The following ZNF215 variants were observed in gnomAD, a reference collection of about 807,000 sequenced individuals.
The protein encoded by ZNF215 is BWSCR2-associated zinc finger protein 2.
ZNF215 carries 24 observed loss-of-function variants against 27.2 expected under a neutral mutation model. That is an observed-to-expected ratio of 0.88 (90% CI 0.64 to 1.24). The LOEUF (loss-of-function observed/expected upper bound fraction) is 1.24, where lower values mean the gene tolerates loss of function less well. Ranked by LOEUF, ZNF215 falls within the 50% of genes most tolerant of loss-of-function variation. ZNF215 has a pLI of 0.00. For missense variants in ZNF215, 675 were observed against 605.7 expected, an observed-to-expected ratio of 1.11 and a Z score of -1.20; for synonymous variants, 210 against 204.0, an observed-to-expected ratio of 1.03 and a Z score of -0.25.
At chr11:6,933,794 C>CAAAAA (rs55667332) in intron 3 of ZNF215, among the ~76,000 whole-genome samples, 2 of 87,936 alleles carry the variant, frequency 2.3e-5, no homozygotes, top group African/African-American at 4.3e-5. Flanking sequence ...GACTCCATCT[C>CAAAAA]AAAAAAAAAA....
Position 6,932,152 on chromosome 11 carries a change from C to A in ZNF215, c.-121C>A. 1.6e-6 allele frequency: 2 copies of A among 1,269,348 alleles called. No homozygotes were observed. The highest frequency in any genetic ancestry group is 1.8e-5 in the South Asian group (1 of 54,868). 78.6% of individuals were successfully genotyped at this position (1,269,348 alleles called of 1,614,324 possible). On this transcript the variant is annotated 5_prime_UTR_variant, in exon 3 of 7. Coordinates refer to ENST00000278319, the MANE Select transcript of ZNF215 (RefSeq NM_013250.4). ...AAAGTTTCTGGAACTTTCCTCCTTACCGTGAAATAACTTGGCTTAAATCAC... is the reference window on the plus strand; with the variant it reads ...AAAGTTTCTGGAACTTTCCTCCTTAACGTGAAATAACTTGGCTTAAATCAC...
chr11:6,983,946 G>GT (rs1050642692), intron 5 of ZNF215, among the ~76,000 whole-genome samples: 2 of 151,866 alleles, frequency 1.3e-5, no homozygotes, highest in African/African-American at 4.8e-5. Context: ...GAATTATAAA[G>GT]TTTAACACCA....
intron 5 of ZNF215, among the ~76,000 whole-genome samples, chr11:6,983,766 C>T (rs1008463641): frequency 6.6e-6 from 1 of 152,002 alleles, no homozygotes; most frequent in African/African-American, 2.4e-5. Flanking sequence ...AGTTTCATTA[C>T]ATATGGCAAA....
rs1336708073 is a variant in ZNF215, at chr11:6,957,644, G to A, written c.*1113G>A. ...TGCCTTAGGAACTTAACTCTTGTTTGTATCCATTAGTCTATGGTAAAATTG... is the reference window on the plus strand; with the variant it reads ...TGCCTTAGGAACTTAACTCTTGTTTATATCCATTAGTCTATGGTAAAATTG... On this transcript the variant is annotated 3_prime_UTR_variant, in exon 7 of 7. Coordinates refer to ENST00000278319, the MANE Select transcript of ZNF215 (RefSeq NM_013250.4). 5.0e-6 allele frequency: 3 copies of A among 594,788 alleles called. No homozygotes were observed. The highest frequency in any genetic ancestry group is 6.3e-6 in the Non-Finnish European group (3 of 473,582). 36.8% of individuals were successfully genotyped at this position (594,788 alleles called of 1,614,324 possible).
chr11:6,948,879 C>T lies in ZNF215; in HGVS notation c.712+5238C>T, dbSNP rs1162423477. ...TCGTCATTTAGCATTGGGTATATCT[C>T]CTAATGCTATCCCTCCCCCCTCCCC... On this transcript the variant is annotated intron_variant, in intron 6 of 6. Transcript: ENST00000278319. Among the ~76,000 whole-genome samples, 4 of 146,440 alleles carry T rather than the reference C, an allele frequency of 2.7e-5. No homozygotes were observed. In the East Asian group the frequency reaches 8.2e-4, roughly 30 times the overall value.
At chr11:6,952,680 C>T (rs7118320) in intron 6 of ZNF215, among the ~76,000 whole-genome samples, 149,603 of 151,794 alleles carry the variant, frequency 0.99, 73,748 homozygotes, top group Middle Eastern at 1. Flanking sequence ...GGTCTTGACT[C>T]TTTATCCAAT....
chr11:6,965,134 A>T (rs1421505628), intron 5 of ZNF215, among the ~76,000 whole-genome samples: 1 of 152,162 alleles, frequency 6.6e-6, no homozygotes, highest in Admixed American at 6.6e-5. Context: ...ACAAAGATGC[A>T]GAAGAAATAT....
chr11:6,964,825 G>C (rs886114986), intron 5 of ZNF215, among the ~76,000 whole-genome samples: 5 of 151,546 alleles, frequency 3.3e-5, no homozygotes, highest in Non-Finnish European at 7.4e-5. Context: ...ATCTTCTTTT[G>C]TATATGTGTC....
In ZNF215 at chr11:6,956,328, A is replaced by AATAAT. The variant is rs1398653476; in HGVS notation, c.1352_1356dup (p.Pro453IlefsTer32). 6.2e-7 allele frequency: 1 copy of AATAAT among 1,614,196 alleles called. No individual in the cohort carries two copies. Reference sequence around the variant, plus strand: ...GGCCTTCAGTAAAAGTGAAGACAGTAATAATCCAACACTCCATTTTGGAAA... The same window carrying AATAAT: ...GGCCTTCAGTAAAAGTGAAGACAGTAATAATATAATCCAACACTCCATTTTGGAAA... On this transcript the variant is annotated frameshift_variant, in exon 7 of 7. Transcript: ENST00000278319. LOFTEE classifies it low-confidence loss of function (END_TRUNC).
Position 6,927,729 on chromosome 11 carries a change from T to A in ZNF215, c.-258T>A, listed in dbSNP as rs1178341388. The A allele has an allele frequency of 6.6e-6, 1 of 152,290 alleles. No homozygotes were observed. The highest frequency in any genetic ancestry group is 1.5e-5 in the Non-Finnish European group (1 of 68,080). 9.4% of individuals were successfully genotyped at this position (152,290 alleles called of 1,614,324 possible). A position where few individuals can be genotyped will look rare whatever the true frequency, so the allele number is the denominator to read the frequency against. ...CCTTGGATCTCTATCATCAAAACTA[T>A]TCCACCTCGGAAATCTTACCTAAAT... On this transcript the variant is annotated 5_prime_UTR_variant, in exon 2 of 7. Transcript: ENST00000278319.
chr11:6,945,837 T>C (rs1849795885), intron 6 of ZNF215, among the ~76,000 whole-genome samples: 1 of 152,204 alleles, frequency 6.6e-6, no homozygotes, highest in African/African-American at 2.4e-5. Context: ...ACTTAAATTA[T>C]TTCACATATA....
At chr11:6,982,500 C>T (rs546670941) in intron 5 of ZNF215, among the ~76,000 whole-genome samples, 1 of 152,052 alleles carries the variant, frequency 6.6e-6, no homozygotes, top group African/African-American at 2.4e-5. Flanking sequence ...TGACCACATA[C>T]TTGGAAGTAA....
intron 5 of ZNF215, among the ~76,000 whole-genome samples, chr11:6,971,243 A>T (rs1040222162): frequency 6.6e-6 from 1 of 152,204 alleles, no homozygotes; most frequent in African/African-American, 2.4e-5. Context: ...GTCTGAACAT[A>T]GCAGATGTTA....
At chr11:6,932,816 G>A (rs1849312195) in intron 3 of ZNF215, 144 bp downstream of exon 3, 2 of 746,454 alleles carry the variant, frequency 2.7e-6, no homozygotes, top group Admixed American at 3.0e-5. Context: ...ACTTTATTCT[G>A]TAGGTAATAG....
intron 4 of ZNF215, 27 bp downstream of exon 4, chr11:6,941,680 A>T: frequency 6.2e-7 from 1 of 1,610,728 alleles, no homozygotes; most frequent in Non-Finnish European, 8.5e-7. Context: ...GTCTTTACTG[A>T]ACACATATGC....
At chr11:6,960,634 A>G (rs1850497709), downstream of ZNF215, among the ~76,000 whole-genome samples, 1 of 152,014 alleles carries the variant, frequency 6.6e-6, no homozygotes, top group Non-Finnish European at 1.5e-5. Context: ...CAGCTATTTC[A>G]TTTTTAGAGA....
intron 4 of ZNF215, 43 bp downstream of exon 4, chr11:6,941,696 T>A: frequency 6.3e-7 from 1 of 1,596,782 alleles, no homozygotes; most frequent in Non-Finnish European, 8.6e-7. Context: ...TATGCTCATT[T>A]TTAGTATTAC....
At chr11:6,927,982 A>G (rs772436424) in intron 2 of ZNF215, among the ~76,000 whole-genome samples, 175 bp downstream of exon 2, 1 of 152,134 alleles carries the variant, frequency 6.6e-6, no homozygotes, top group Non-Finnish European at 1.5e-5. Context: ...TTGACGTACA[A>G]TGTTTTTACT....
At chr11:6,949,055 A>G (rs936609796) in intron 6 of ZNF215, among the ~76,000 whole-genome samples, 2 of 150,992 alleles carry the variant, frequency 1.3e-5, no homozygotes, top group Non-Finnish European at 2.9e-5. Context: ...AATTTCATCC[A>G]TGTCCCTACA....
Sources: allele counts gnomAD v4.1 joint callset (sites outside exome capture counted in the v4.1 genomes callset), GRCh38; gene constraint gnomAD v4.1.1; transcripts MANE v1.5; gene names NCBI Gene and HGNC (gene_info 2026-07-23, HGNC 2026-07-21).